Variants in IMMP2L observed in about 807,000 individuals in gnomAD.
The protein encoded by IMMP2L is mitochondrial inner membrane protease subunit 2.
Under a neutral mutation model 19.3 loss-of-function variants are expected in IMMP2L, and 18 were observed. That is an observed-to-expected ratio of 0.93 (90% CI 0.64 to 1.38). The LOEUF is 1.38. Among genes scored for constraint, IMMP2L ranks in the 40% most tolerant of loss-of-function variants. IMMP2L has a pLI of 0.00. For synonymous variants in IMMP2L, 76 were observed against 73.0 expected (o/e 1.04, Z -0.21); for missense variants, 233 against 218.2 (o/e 1.07, Z -0.43).
intron 5 of IMMP2L, among the ~76,000 whole-genome samples, chr7:110,697,862 C>CA (rs1793998603): frequency 6.6e-6 from 1 of 152,086 alleles, no homozygotes; most frequent in African/African-American, 2.4e-5. Context: ...ATTACTTGTG[C>CA]ACATTATTTG....
chr7:111,267,511 T>C (rs1181766687), intron 3 of IMMP2L, among the ~76,000 whole-genome samples: 1 of 152,076 alleles, frequency 6.6e-6, no homozygotes, highest in Non-Finnish European at 1.5e-5. Context: ...TCACTTACTG[T>C]GATTATAAAC....
At chr7:110,946,591 C>T (rs1817270334) in intron 4 of IMMP2L, among the ~76,000 whole-genome samples, 1 of 151,888 alleles carries the variant, frequency 6.6e-6, no homozygotes, top group Non-Finnish European at 1.5e-5. Context: ...AATTATTTTA[C>T]CTTTGTTTCT....
intron 3 of IMMP2L, among the ~76,000 whole-genome samples, chr7:111,396,183 G>A (rs575101764): frequency 6.6e-6 from 1 of 152,218 alleles, no homozygotes; most frequent in East Asian, 1.9e-4. Context: ...ACATGGATAT[G>A]TATGTTTATA....
intron 3 of IMMP2L, among the ~76,000 whole-genome samples, chr7:111,155,258 T>G (rs1425778640): frequency 6.6e-6 from 1 of 152,094 alleles, no homozygotes; most frequent in Non-Finnish European, 1.5e-5. Context: ...GTGTCGTTAC[T>G]TTGGGGCTGG....
intron 3 of IMMP2L, among the ~76,000 whole-genome samples, chr7:111,179,543 G>C (rs527246727): frequency 6.6e-6 from 1 of 152,124 alleles, no homozygotes; most frequent in African/African-American, 2.4e-5. Context: ...CCTTTACAGA[G>C]AACAAGTAGA....
chr7:111,512,263 G>A (rs1216246635), intron 2 of IMMP2L, among the ~76,000 whole-genome samples: 2 of 152,018 alleles, frequency 1.3e-5, no homozygotes, highest in Non-Finnish European at 2.9e-5. Flanking sequence ...GTAAGTAAAA[G>A]AGCCAGTCAG....
intron 3 of IMMP2L, among the ~76,000 whole-genome samples, chr7:111,082,855 C>CAAA (rs59384730): frequency 2.6e-3 from 182 of 71,180 alleles, no homozygotes; most frequent in African/African-American, 7.3e-3. Context: ...GCGATTTTGC[C>CAAA]AAAAAAAAAA....
At chr7:111,379,598 G>T (rs563983040) in intron 3 of IMMP2L, among the ~76,000 whole-genome samples, 1 of 151,760 alleles carries the variant, frequency 6.6e-6, no homozygotes, top group East Asian at 1.9e-4. Context: ...CAGGCTGAAA[G>T]TCAAATAGAA....
At chr7:110,691,126 G>A (rs1179742673) in intron 5 of IMMP2L, among the ~76,000 whole-genome samples, 1 of 152,082 alleles carries the variant, frequency 6.6e-6, no homozygotes, top group African/African-American at 2.4e-5. Flanking sequence ...TAGATACATA[G>A]ACCAATGGAT....
chr7:111,481,078 A>G (rs920570993), intron 3 of IMMP2L, among the ~76,000 whole-genome samples: 2 of 152,184 alleles, frequency 1.3e-5, no homozygotes, highest in African/African-American at 4.8e-5. Context: ...CACACTGGCC[A>G]TCTATCAGAA....
intron 3 of IMMP2L, among the ~76,000 whole-genome samples, chr7:111,364,560 T>TG (rs1400390736): frequency 6.7e-6 from 1 of 149,824 alleles, no homozygotes; most frequent in Non-Finnish European, 1.5e-5. Flanking sequence ...ACCTGAGCCC[T>TG]GGAGGCAGAG....
chr7:111,130,069 C>A (rs1801702526), intron 3 of IMMP2L, among the ~76,000 whole-genome samples: 1 of 151,962 alleles, frequency 6.6e-6, no homozygotes, highest in Non-Finnish European at 1.5e-5. Context: ...TTTGTTCATA[C>A]TAAAAAGAGA....
chr7:111,557,903 T>C (rs371804245), intron 1 of IMMP2L, among the ~76,000 whole-genome samples: 1 of 151,792 alleles, frequency 6.6e-6, no homozygotes, highest in Admixed American at 6.6e-5. Flanking sequence ...AACTGGACTT[T>C]GAGTATAGAA....
At chr7:110,961,187 G>A (rs1232223398) in intron 4 of IMMP2L, among the ~76,000 whole-genome samples, 1 of 151,760 alleles carries the variant, frequency 6.6e-6, no homozygotes, top group East Asian at 1.9e-4. Flanking sequence ...AGATACAGTT[G>A]TCCCTCTGTA....
At chr7:111,469,684 A>G (rs935946779) in intron 3 of IMMP2L, among the ~76,000 whole-genome samples, 3 of 152,178 alleles carry the variant, frequency 2.0e-5, no homozygotes, top group Admixed American at 2.0e-4. Flanking sequence ...TACAAAGCTG[A>G]AACTGGATCC....
intron 1 of IMMP2L, among the ~76,000 whole-genome samples, chr7:111,536,021 TG>T (rs1847856597): frequency 6.6e-6 from 1 of 152,056 alleles, no homozygotes; most frequent in African/African-American, 2.4e-5. Flanking sequence ...AGAAAAAAGA[TG>T]GAAGTACATC....
chr7:111,059,727 A>G (rs1793842163), intron 3 of IMMP2L, among the ~76,000 whole-genome samples: 1 of 152,166 alleles, frequency 6.6e-6, no homozygotes, highest in Non-Finnish European at 1.5e-5. Context: ...TTTTAACAGG[A>G]GACCACAAAG....
chr7:111,559,690 G>C (rs1180975362), intron 1 of IMMP2L, among the ~76,000 whole-genome samples: 1 of 152,230 alleles, frequency 6.6e-6, no homozygotes, highest in South Asian at 2.1e-4. Flanking sequence ...GGAAAGTAAT[G>C]GGTGACCACA....
chr7:110,894,687 AAAG>A (rs1306576574), intron 4 of IMMP2L, among the ~76,000 whole-genome samples: 1 of 152,110 alleles, frequency 6.6e-6, no homozygotes, highest in Non-Finnish European at 1.5e-5. Flanking sequence ...TTTTTTCTAC[AAAG>A]AATATACATT....
Sources: allele counts gnomAD v4.1 joint callset (sites outside exome capture counted in the v4.1 genomes callset), GRCh38; gene constraint gnomAD v4.1.1; transcripts MANE v1.5; gene names NCBI Gene and HGNC (gene_info 2026-07-23, HGNC 2026-07-21).